IQCM: variants seen among roughly 807,000 people sequenced by gnomAD.
The protein encoded by IQCM is IQ motif containing M.
Under a neutral mutation model 57.6 loss-of-function variants are expected in IQCM, and 45 were observed. The observed-to-expected ratio is 0.78, with a 90% CI of 0.62 to 1.00. The LOEUF (loss-of-function observed/expected upper bound fraction) is 1.00. IQCM is among the 50% of genes least tolerant of loss of function. IQCM has a pLI of 0.00. For synonymous variants in IQCM, 148 were observed against 158.9 expected, an observed-to-expected ratio of 0.93 and a Z score of 0.51; for missense variants, 468 against 511.6, an observed-to-expected ratio of 0.91 and a Z score of 0.82.
intron 7 of IQCM, among the ~76,000 whole-genome samples, chr4:149,633,469 A>G (rs1339376105): frequency 6.6e-6 from 1 of 152,176 alleles, no homozygotes; most frequent in Non-Finnish European, 1.5e-5. Flanking sequence ...AGATAGCCAC[A>G]TGGATTCTGT....
intron 9 of IQCM, among the ~76,000 whole-genome samples, chr4:149,584,730 G>T (rs1490069560): frequency 6.6e-6 from 1 of 151,720 alleles, no homozygotes; most frequent in Non-Finnish European, 1.5e-5. Context: ...TACAGTTGAA[G>T]AAAACAGGAA....
intron 7 of IQCM, among the ~76,000 whole-genome samples, chr4:149,645,230 G>C (rs1488977662): frequency 6.6e-6 from 1 of 152,110 alleles, no homozygotes; most frequent in African/African-American, 2.4e-5. Context: ...TTGCAAGCCA[G>C]AGTAGCTATG....
chr4:149,643,265 G>C (rs942000660), intron 7 of IQCM, among the ~76,000 whole-genome samples: 5 of 152,090 alleles, frequency 3.3e-5, no homozygotes. Flanking sequence ...CTTTGTGTCA[G>C]GCATGTACCA....
chr4:149,359,719 T>C (rs1729341198), intron 13 of IQCM, among the ~76,000 whole-genome samples: 1 of 152,198 alleles, frequency 6.6e-6, no homozygotes, highest in Non-Finnish European at 1.5e-5. Flanking sequence ...AATTTTTATA[T>C]TCACAAGTCC....
chr4:149,405,828 CAT>C (rs55914421), intron 13 of IQCM, among the ~76,000 whole-genome samples: 317 of 135,164 alleles, frequency 2.3e-3, no homozygotes, highest in Middle Eastern at 4.1e-3. Flanking sequence ...TCCTAAGGAG[CAT>C]ATATATATAT....
At chr4:149,701,110 T>C (rs1263921007) in intron 5 of IQCM, among the ~76,000 whole-genome samples, 7 of 152,024 alleles carry the variant, frequency 4.6e-5, no homozygotes, top group East Asian at 1.9e-4. Context: ...GGTACATTTA[T>C]AGGATCACTC....
At chr4:149,687,475 G>A (rs1049363057) in intron 5 of IQCM, among the ~76,000 whole-genome samples, 4 of 151,544 alleles carry the variant, frequency 2.6e-5, no homozygotes, top group Non-Finnish European at 5.9e-5. Flanking sequence ...TTTGCATAGA[G>A]TTTGCATAGC....
chr4:149,406,652 T>G (rs532648956), intron 13 of IQCM, among the ~76,000 whole-genome samples: 6 of 152,292 alleles, frequency 3.9e-5, no homozygotes, highest in African/African-American at 1.4e-4. Flanking sequence ...ATGACCAGTG[T>G]CATGATCATC....
At chr4:149,792,195 T>A (rs1184630526) in intron 2 of IQCM, among the ~76,000 whole-genome samples, 3 of 152,142 alleles carry the variant, frequency 2.0e-5, no homozygotes, top group Non-Finnish European at 2.9e-5. Context: ...ATTAATTACA[T>A]CAGAGGGGAG....
chr4:149,565,497 T>C (rs1750537368), intron 9 of IQCM, among the ~76,000 whole-genome samples: 1 of 152,200 alleles, frequency 6.6e-6, no homozygotes, highest in South Asian at 2.1e-4. Flanking sequence ...TCTCCTGATA[T>C]TCTCTATATT....
chr4:149,458,897 A>C (rs1284215793), intron 12 of IQCM, among the ~76,000 whole-genome samples: 1 of 152,188 alleles, frequency 6.6e-6, no homozygotes, highest in Non-Finnish European at 1.5e-5. Flanking sequence ...TAAATAGTTT[A>C]TCTTTTGGGT....
intron 2 of IQCM, among the ~76,000 whole-genome samples, chr4:149,798,127 A>G (rs1351095533): frequency 6.6e-6 from 1 of 151,718 alleles, no homozygotes; most frequent in Non-Finnish European, 1.5e-5. Context: ...TAATAACTAC[A>G]ACAACTTTTC....
intron 7 of IQCM, among the ~76,000 whole-genome samples, chr4:149,679,106 AACAG>A (rs1761987035): frequency 6.6e-6 from 1 of 151,794 alleles, no homozygotes. Context: ...CACTATTCAC[AACAG>A]ACAAAATATG....
At chr4:149,359,120 C>G (rs17686417) in intron 13 of IQCM, among the ~76,000 whole-genome samples, 27,253 of 152,030 alleles carry the variant, frequency 0.18, 2,974 homozygotes, top group Non-Finnish European at 0.25. Context: ...GTTCATGTCA[C>G]TTGTGTGATC....
chr4:149,571,714 T>G (rs1249089644), intron 9 of IQCM, among the ~76,000 whole-genome samples: 1 of 152,082 alleles, frequency 6.6e-6, no homozygotes, highest in African/African-American at 2.4e-5. Context: ...CCGCAACATA[T>G]ATATACTTCG....
intron 5 of IQCM, among the ~76,000 whole-genome samples, chr4:149,717,749 A>T (rs1765121638): frequency 6.6e-6 from 1 of 152,246 alleles, no homozygotes; most frequent in Non-Finnish European, 1.5e-5. Flanking sequence ...TTGGCTACAT[A>T]TAAATTACTG....
At chr4:149,810,454 A>AT (rs201836705) in intron 2 of IQCM, among the ~76,000 whole-genome samples, 23 of 150,904 alleles carry the variant, frequency 1.5e-4, no homozygotes, top group African/African-American at 3.9e-4. Context: ...AAAACATATA[A>AT]TTTTTTTTTC....
chr4:149,583,116 G>A (rs942949373), intron 9 of IQCM, among the ~76,000 whole-genome samples: 5 of 151,526 alleles, frequency 3.3e-5, no homozygotes, highest in Non-Finnish European at 7.4e-5. Context: ...AAAGATATTA[G>A]TGTCATATCT....
At chr4:149,589,916 C>G (rs1752972474) in intron 8 of IQCM, among the ~76,000 whole-genome samples, 1 of 151,966 alleles carries the variant, frequency 6.6e-6, no homozygotes, top group African/African-American at 2.4e-5. Flanking sequence ...AATTGTTAAT[C>G]TTGATATTTC....
Sources: gnomAD v4.1 joint callset for allele counts (sites outside exome capture counted in the v4.1 genomes callset) on GRCh38, gnomAD v4.1.1 for gene constraint, MANE v1.5 for transcripts, NCBI Gene and HGNC (gene_info 2026-07-23, HGNC 2026-07-21) for gene names.